Variants in ZNF605 observed in about 807,000 individuals in gnomAD.
The protein encoded by ZNF605 is zinc finger protein 605.
In ZNF605, 9 loss-of-function variants were observed where a neutral mutation model predicts 7.9. That is an observed-to-expected ratio of 1.14 (90% confidence interval 0.68 to 1.98). ZNF605 has a LOEUF of 1.98. Ranked by LOEUF, ZNF605 falls within the 30% of genes most tolerant of loss-of-function variation. ZNF605 has a pLI of 0.00. For synonymous variants in ZNF605, 255 were observed against 260.1 expected, an observed-to-expected ratio of 0.98 and a Z score of 0.19; for missense variants, 673 against 762.4, an observed-to-expected ratio of 0.88 and a Z score of 1.38.
chr12:132,945,876 G>A, intron 2 of ZNF605, 79 bp from the exon 3 acceptor site: 2 of 627,852 alleles, frequency 3.2e-6, no homozygotes, highest in Non-Finnish European at 5.6e-6. Flanking sequence ...CTTGCTGGGA[G>A]CTCAGATTAT....
chr12:132,925,305 A>C lies in ZNF605; in HGVS notation c.*68T>G. The C allele has an allele frequency of 8.3e-7, 1 of 1,210,436 alleles. No homozygotes were observed. Among genetic ancestry groups the C allele is most frequent in the Non-Finnish European group, 1.2e-6 (1 of 868,762 alleles). The allele number at this position is 1,210,436 out of a possible 1,614,324, so 75.0% of individuals were successfully genotyped here. ...TCAATAGGGTTTCTCTCCCACATGC[A>C]TCCTCAAAAGTGTCAGAAAGTATGA... On this transcript the variant is annotated 3_prime_UTR_variant, in exon 5 of 5. Coordinates refer to ENST00000360187, the MANE Select transcript of ZNF605 (RefSeq NM_183238.4).
chr12:132,952,851 G>C (rs1952586816), intron 1 of ZNF605, among the ~76,000 whole-genome samples: 1 of 152,072 alleles, frequency 6.6e-6, no homozygotes, highest in Admixed American at 6.6e-5. Context: ...TCACTCACGA[G>C]AGGCTTGCCT....
intron 3 of ZNF605, among the ~76,000 whole-genome samples, chr12:132,937,379 A>AAAAAAAAT (rs1952378932): frequency 6.7e-6 from 1 of 149,844 alleles, no homozygotes; most frequent in Non-Finnish European, 1.5e-5. Flanking sequence ...AAAAAAAAAA[A>AAAAAAAAT]AGAAAATGTA....
At chr12:132,950,220 G>C (rs905510069) in intron 1 of ZNF605, among the ~76,000 whole-genome samples, 5 of 152,032 alleles carry the variant, frequency 3.3e-5, no homozygotes, top group African/African-American at 1.2e-4. Flanking sequence ...GACCTCCTCC[G>C]GCTGCTTCTC....
At chr12:132,929,775 T>C (rs1952287584) in intron 4 of ZNF605, among the ~76,000 whole-genome samples, 1 of 151,974 alleles carries the variant, frequency 6.6e-6, no homozygotes. Flanking sequence ...TGAAACCCCA[T>C]TTCTACTAAA....
intron 1 of ZNF605, among the ~76,000 whole-genome samples, chr12:132,955,390 G>A (rs929282061): frequency 1.3e-5 from 2 of 152,176 alleles, no homozygotes; most frequent in Non-Finnish European, 2.9e-5. Context: ...AATGGGGAAA[G>A]GAAAGAAGCT....
chr12:132,939,727 C>A (rs932228592), intron 3 of ZNF605, among the ~76,000 whole-genome samples: 3 of 152,340 alleles, frequency 2.0e-5, no homozygotes, highest in African/African-American at 7.2e-5. Context: ...TCCTCTTCCA[C>A]ACTGTGCAGG....
At chr12:132,943,885 G>A (rs1593597635) in intron 3 of ZNF605, among the ~76,000 whole-genome samples, 2 of 152,186 alleles carry the variant, frequency 1.3e-5, no homozygotes, top group Admixed American at 1.3e-4. Context: ...TTGCCGGGAG[G>A]TGAGGTATTC....
At chr12:132,945,855 C>A in intron 2 of ZNF605, 58 bp from the exon 3 acceptor site, 2 of 666,922 alleles carry the variant, frequency 3.0e-6, no homozygotes, top group East Asian at 2.6e-5. Context: ...GAACCTAAAT[C>A]TTGGTGTTCT....
At chr12:132,932,836 C>G (rs1952321417) in intron 4 of ZNF605, 199 bp downstream of exon 4, 1 of 1,496,750 alleles carries the variant, frequency 6.7e-7, no homozygotes, top group African/African-American at 1.4e-5. Flanking sequence ...GGACTTGGAC[C>G]TAACTGCCTG....
chr12:132,925,841 G>A lies in ZNF605; in HGVS notation c.1458C>T (p.Phe486=). The part of the protein sequence containing the change: ...PYECSECRKT[F]SEKSSLIHHQ... The stretch of plus-strand genomic sequence containing the variant: ...GATGAATGAGACTTGACTTCTCACT[G>A]AAGGTTTTCCTGCATTCACTGCATT... The change falls in exon 5 of 5, where the codon TTC becomes TTT. Residue 486 remains phenylalanine, a synonymous_variant. Coordinates refer to ENST00000360187, the MANE Select transcript of ZNF605 (RefSeq NM_183238.4). The A allele has an allele frequency of 6.2e-7, 1 of 1,614,106 alleles. No homozygotes were observed. The highest frequency in any genetic ancestry group is 8.5e-7 in the Non-Finnish European group (1 of 1,180,008).
rs916725701 is a variant in ZNF605 at position 132,920,562 on chromosome 12, A to G, written c.*4811T>C. The G allele has an allele frequency of 2.6e-4, 40 of 152,356 alleles. No individual in the cohort carries two copies. Among genetic ancestry groups the G allele is most frequent in the African/African-American group, 9.6e-4 (40 of 41,596 alleles). The allele number at this position is 152,356 out of a possible 1,614,324, so 9.4% of individuals were successfully genotyped here. A position where few individuals can be genotyped will look rare whatever the true frequency, so the allele number is the denominator to read the frequency against. Reference sequence around the variant, plus strand: ...AAAGAATTATTAAATATCATCACCAACTTCACAGATTTGGTCTCAAAGTAA... The same window carrying G: ...AAAGAATTATTAAATATCATCACCAGCTTCACAGATTTGGTCTCAAAGTAA... On this transcript the variant is annotated 3_prime_UTR_variant, in exon 5 of 5. Transcript: ENST00000360187.
At chr12:132,939,838 T>G in intron 3 of ZNF605, among the ~76,000 whole-genome samples, 1 of 149,424 alleles carries the variant, frequency 6.7e-6, no homozygotes, top group African/African-American at 2.5e-5. Flanking sequence ...ATCTGCAGCT[T>G]CACTCCTGAG....
chr12:132,927,092 G>C lies in ZNF605; in HGVS notation c.207C>G (p.Gly69=). The change falls in exon 5 of 5, where the codon GGC becomes GGG. Residue 69 remains glycine, a synonymous_variant. Transcript: ENST00000360187. ...NQDNLKSMER[G]HKYDVFGKIF... Reference sequence around the variant, plus strand: ...TTTTTCCAAAAACATCATATTTATGGCCTCTCTCCATACTTTTAAGGTTGT... The same window carrying C: ...TTTTTCCAAAAACATCATATTTATGCCCTCTCTCCATACTTTTAAGGTTGT... 1 of 1,598,158 alleles carries C rather than the reference G, an allele frequency of 6.3e-7. No homozygotes were observed. The highest frequency in any genetic ancestry group is 8.5e-7 in the Non-Finnish European group (1 of 1,179,212).
In ZNF605 at chr12:132,921,648, A is replaced by G. The variant is rs1320466064; in HGVS notation, c.*3725T>C. Reference sequence around the variant, plus strand: ...TTTATTAACACAGACTACAACGTCAATGAAGCCTCCTGGCATTGTCGGAAA... The same window carrying G: ...TTTATTAACACAGACTACAACGTCAGTGAAGCCTCCTGGCATTGTCGGAAA... On this transcript the variant is annotated 3_prime_UTR_variant, in exon 5 of 5. Transcript: ENST00000360187. 6.6e-6 allele frequency: 1 copy of G among 152,276 alleles called. No individual in the cohort carries two copies. Among genetic ancestry groups the G allele is most frequent in the African/African-American group, 2.4e-5 (1 of 41,478 alleles). The allele number at this position is 152,276 out of a possible 1,614,324, so 9.4% of individuals were successfully genotyped here.
chr12:132,954,662 A>G (rs1952616844), intron 1 of ZNF605, among the ~76,000 whole-genome samples: 1 of 151,286 alleles, frequency 6.6e-6, no homozygotes, highest in Non-Finnish European at 1.5e-5. Context: ...GGGGCCCCCA[A>G]GCATTCGCCC....
intron 3 of ZNF605, among the ~76,000 whole-genome samples, chr12:132,944,152 G>T (rs1952474490): frequency 6.6e-6 from 1 of 152,102 alleles, no homozygotes; most frequent in South Asian, 2.1e-4. Flanking sequence ...TACCTAGGGT[G>T]GGCGCCTTCC....
chr12:132,950,919 C>T (rs1002694855), intron 1 of ZNF605, among the ~76,000 whole-genome samples: 6 of 151,522 alleles, frequency 4.0e-5, no homozygotes, highest in Admixed American at 6.6e-5. Context: ...CTGATACACA[C>T]GTAACGTATA....
intron 1 of ZNF605, among the ~76,000 whole-genome samples, chr12:132,953,778 G>A (rs1430997949): frequency 1.3e-5 from 2 of 151,894 alleles, no homozygotes; most frequent in Non-Finnish European, 2.9e-5. Flanking sequence ...CAAACTCTTA[G>A]GCTCCCCAGG....
Sources: allele counts gnomAD v4.1 joint callset (sites outside exome capture counted in the v4.1 genomes callset), GRCh38; gene constraint gnomAD v4.1.1; transcripts MANE v1.5; gene names NCBI Gene and HGNC (gene_info 2026-07-23, HGNC 2026-07-21).